Variants in DNAI3 observed in about 807,000 individuals in gnomAD.
The protein encoded by DNAI3 is WD repeat domain 63.
DNAI3 carries 83 observed loss-of-function variants against 115.5 expected under a neutral mutation model. The observed-to-expected ratio is 0.72, with a 90% confidence interval of 0.60 to 0.86. DNAI3 has a LOEUF of 0.86. DNAI3 is among the 40% of genes least tolerant of loss of function. DNAI3 has a pLI of 0.00. For missense variants in DNAI3, 1,004 were observed against 1,075.8 expected, an observed-to-expected ratio of 0.93 and a Z score of 0.93; for synonymous variants, 320 against 347.0, an observed-to-expected ratio of 0.92 and a Z score of 0.86.
chr1:85,094,280 A>G, intron 9 of DNAI3, 151 bp from the exon 10 acceptor site: 2 of 1,016,986 alleles, frequency 2.0e-6, no homozygotes, highest in Non-Finnish European at 1.4e-6. Context: ...AACTAGTGGC[A>G]ACCACATTAG....
At position 85,071,928 on chromosome 1, in the gene DNAI3, C is replaced by G. The variant is rs765594406; in HGVS notation, c.-14C>G. ...CTAATAATATCATCTCTTTATGCAG[C>G]CCAAGTCAGAACCATGGCTCCAAAA... On this transcript the variant is annotated splice_region_variant and 5_prime_UTR_variant, in exon 2 of 23. Coordinates refer to ENST00000294664, the MANE Select transcript of DNAI3 (RefSeq NM_145172.5). The G allele has an allele frequency of 7.5e-6, 12 of 1,608,012 alleles. No homozygotes were observed. Among genetic ancestry groups the G allele is most frequent in the Non-Finnish European group, 9.3e-6 (11 of 1,178,756 alleles).
At chr1:85,084,486 A>T (rs1328587315) in intron 5 of DNAI3, 60 bp from the exon 6 acceptor site, 2 of 1,178,976 alleles carry the variant, frequency 1.7e-6, no homozygotes, top group African/African-American at 3.2e-5. Context: ...ATATATATAT[A>T]TATAAAGCTA....
intron 3 of DNAI3, 128 bp downstream of exon 3, chr1:85,073,220 T>A (rs1360238739): frequency 1.7e-6 from 1 of 593,650 alleles, no homozygotes; most frequent in Non-Finnish European, 2.7e-6. Context: ...ATTATACCAT[T>A]CCATTTAGAA....
intron 17 of DNAI3, 41 bp from the exon 18 acceptor site, chr1:85,121,710 A>G (rs1655999000): frequency 6.3e-7 from 1 of 1,575,240 alleles, no homozygotes; most frequent in Admixed American, 1.7e-5. Context: ...TTTGTCTCTT[A>G]AGTTGTCATT....
intron 13 of DNAI3, among the ~76,000 whole-genome samples, chr1:85,103,931 A>AATAATT (rs1294455192): frequency 6.3e-5 from 9 of 143,898 alleles, no homozygotes; most frequent in East Asian, 4.1e-4. Flanking sequence ...TAATAATAAT[A>AATAATT]ATTTATGAAT....
At chr1:85,123,456 G>A (rs1656044097) in intron 18 of DNAI3, among the ~76,000 whole-genome samples, 1 of 152,124 alleles carries the variant, frequency 6.6e-6, no homozygotes, top group Non-Finnish European at 1.5e-5. Flanking sequence ...TGTCGGGGGT[G>A]CCTTCCTCAA....
chr1:85,079,671 G>A (rs1378318538), intron 3 of DNAI3, among the ~76,000 whole-genome samples: 20 of 152,266 alleles, frequency 1.3e-4, no homozygotes, highest in Middle Eastern at 3.4e-3. Context: ...TAAAAAAACA[G>A]GAAGAAGGCT....
chr1:85,092,772 C>T (rs929443340), intron 8 of DNAI3, among the ~76,000 whole-genome samples: 3 of 149,822 alleles, frequency 2.0e-5, no homozygotes, highest in Non-Finnish European at 4.4e-5. Context: ...TAGCACCTCC[C>T]AGGCATTGTG....
intron 16 of DNAI3, among the ~76,000 whole-genome samples, chr1:85,115,608 A>G (rs1474572557): frequency 6.6e-6 from 1 of 151,876 alleles, no homozygotes; most frequent in Non-Finnish European, 1.5e-5. Context: ...GTTTTTCCCT[A>G]GCCTCACCTT....
chr1:85,077,302 T>A (rs1169446889), intron 3 of DNAI3, among the ~76,000 whole-genome samples: 1 of 152,018 alleles, frequency 6.6e-6, no homozygotes, highest in Non-Finnish European at 1.5e-5. Context: ...TACACAAAAA[T>A]TAACTCAAAA....
At chr1:85,079,949 A>C (rs1285389139) in intron 3 of DNAI3, among the ~76,000 whole-genome samples, 3 of 152,074 alleles carry the variant, frequency 2.0e-5, no homozygotes, top group Non-Finnish European at 4.4e-5. Context: ...AATGTGAGGA[A>C]TTGAGTAACA....
At chr1:85,079,887 C>T (rs1393641939) in intron 3 of DNAI3, among the ~76,000 whole-genome samples, 2 of 151,944 alleles carry the variant, frequency 1.3e-5, no homozygotes, top group African/African-American at 4.8e-5. Flanking sequence ...TACCCACTTT[C>T]CTGTGTCCAA....
intron 9 of DNAI3, 164 bp from the exon 10 acceptor site, chr1:85,094,267 T>C (rs1416725308): frequency 1.5e-5 from 13 of 849,704 alleles, no homozygotes; most frequent in Admixed American, 2.3e-5. Flanking sequence ...ATAAGTAGCA[T>C]GTAACTAGTG....
At chr1:85,087,456 AAAAG>A (rs1460733905) in intron 7 of DNAI3, among the ~76,000 whole-genome samples, 7 of 149,900 alleles carry the variant, frequency 4.7e-5, no homozygotes, top group African/African-American at 9.9e-5. Context: ...AAAAAAAAAA[AAAAG>A]AAAGAAAGAA....
At chr1:85,079,389 A>T (rs1403930431) in intron 3 of DNAI3, among the ~76,000 whole-genome samples, 1 of 151,986 alleles carries the variant, frequency 6.6e-6, no homozygotes, top group African/African-American at 2.4e-5. Context: ...GTTATTTAAA[A>T]CCTCCAAATT....
intron 8 of DNAI3, among the ~76,000 whole-genome samples, chr1:85,092,713 G>T (rs1475549722): frequency 6.6e-6 from 1 of 151,596 alleles, no homozygotes; most frequent in Non-Finnish European, 1.5e-5. Context: ...TTTCATTTTG[G>T]GGACTGTCTC....
At chr1:85,075,273 CT>C (rs1654414066) in intron 3 of DNAI3, among the ~76,000 whole-genome samples, 1 of 152,156 alleles carries the variant, frequency 6.6e-6, no homozygotes, top group South Asian at 2.1e-4. Context: ...TAGCATCATG[CT>C]TTTCACATAG....
At chr1:85,101,253 A>G (rs1252028763) in intron 13 of DNAI3, among the ~76,000 whole-genome samples, 1 of 152,194 alleles carries the variant, frequency 6.6e-6, no homozygotes, top group East Asian at 1.9e-4. Flanking sequence ...ATGCAAAGCA[A>G]TGATACTTTT....
At chr1:85,066,784 A>G (rs1313657119) in intron 1 of DNAI3, among the ~76,000 whole-genome samples, 2 of 152,236 alleles carry the variant, frequency 1.3e-5, no homozygotes, top group African/African-American at 4.8e-5. Context: ...AGTTTGTTAA[A>G]TATAACACAT....
Sources: allele counts gnomAD v4.1 joint callset (sites outside exome capture counted in the v4.1 genomes callset), GRCh38; gene constraint gnomAD v4.1.1; transcripts MANE v1.5; gene names NCBI Gene and HGNC (gene_info 2026-07-23, HGNC 2026-07-21).